Variants in GTF2E2 observed in about 807,000 individuals in gnomAD.
GTF2E2 encodes general transcription factor IIE subunit 2.
A neutral mutation model predicts 40.5 loss-of-function variants in GTF2E2; 21 were observed. That is an observed-to-expected ratio of 0.52 (90% CI 0.37 to 0.75). GTF2E2 has a LOEUF of 0.75. Ranked by LOEUF, GTF2E2 falls within the 30% of genes least tolerant of loss-of-function variation. GTF2E2 has a pLI of 0.00. For synonymous variants in GTF2E2, 117 were observed against 121.6 expected (o/e 0.96, Z 0.25); for missense variants, 298 against 338.4 (o/e 0.88, Z 0.94).
At chr8:30,587,561 G>C (rs187651794) in intron 6 of GTF2E2, among the ~76,000 whole-genome samples, 1 of 150,926 alleles carries the variant, frequency 6.6e-6, no homozygotes, top group African/African-American at 2.4e-5. Context: ...GAAATATTCA[G>C]ACATTTCTCA....
intron 6 of GTF2E2, among the ~76,000 whole-genome samples, chr8:30,599,758 G>A (rs189421785): frequency 1.7e-3 from 257 of 152,282 alleles, no homozygotes; most frequent in African/African-American, 5.9e-3. Flanking sequence ...GCCAAGGTGG[G>A]CAGATCACTA....
chr8:30,624,305 G>A (rs528039510), intron 3 of GTF2E2, among the ~76,000 whole-genome samples: 22 of 152,118 alleles, frequency 1.4e-4, no homozygotes, highest in Admixed American at 6.5e-4. Flanking sequence ...CAGGTTTGTC[G>A]AAGATCAGAT....
chr8:30,587,450 T>C (rs1828713854), intron 6 of GTF2E2, among the ~76,000 whole-genome samples: 1 of 134,226 alleles, frequency 7.5e-6, no homozygotes. Flanking sequence ...TTTCCATATA[T>C]ATGGAACTCA....
At chr8:30,585,177 A>C (rs937596988) in intron 6 of GTF2E2, 4 of 152,420 alleles carry the variant, frequency 2.6e-5, no homozygotes, top group African/African-American at 9.7e-5. Context: ...CAAGAGCGAA[A>C]CTCCGTCTCA....
rs1416154377 is a variant in GTF2E2 at position 30,614,592 on chromosome 8, T to C, written c.366+16A>G. On this transcript the variant is annotated intron_variant, in intron 4 of 7. Transcript: ENST00000355904. ...AGTTACAGGAAATCTCTCTTGATAATCAACTAAATTCTTACCTCAGTCATT... is the reference window on the plus strand; with the variant it reads ...AGTTACAGGAAATCTCTCTTGATAACCAACTAAATTCTTACCTCAGTCATT... The C allele has an allele frequency of 1.3e-5, 17 of 1,281,674 alleles. No individual in the cohort carries two copies. Among genetic ancestry groups the C allele is most frequent in the Non-Finnish European group, 1.9e-5 (17 of 886,642 alleles). The allele number at this position is 1,281,674 out of a possible 1,614,324, so 79.4% of individuals were successfully genotyped here.
At chr8:30,656,978 G>C (rs1474526582) in intron 1 of GTF2E2, 2 of 152,146 alleles carry the variant, frequency 1.3e-5, no homozygotes, top group African/African-American at 4.8e-5. Flanking sequence ...AGATGGAAGA[G>C]CCAGGGCCAG....
intron 6 of GTF2E2, among the ~76,000 whole-genome samples, chr8:30,593,813 T>A (rs987627698): frequency 5.3e-5 from 8 of 152,240 alleles, no homozygotes; most frequent in African/African-American, 1.9e-4. Flanking sequence ...GTAATTTTCC[T>A]GGCTCTGAAA....
intron 6 of GTF2E2, among the ~76,000 whole-genome samples, chr8:30,598,455 TTTTAA>T (rs1829077071): frequency 6.6e-6 from 1 of 152,220 alleles, no homozygotes; most frequent in Admixed American, 6.5e-5. Context: ...ACTTTAAAAT[TTTTAA>T]TTTAACTAGT....
At chr8:30,625,153 A>G (rs1585978695) in intron 3 of GTF2E2, among the ~76,000 whole-genome samples, 1 of 152,028 alleles carries the variant, frequency 6.6e-6, no homozygotes, top group South Asian at 2.1e-4. Context: ...TTTGTCATAA[A>G]TAGCTCTTAT....
chr8:30,627,605 G>T (rs1291480138), intron 3 of GTF2E2, among the ~76,000 whole-genome samples: 1 of 152,130 alleles, frequency 6.6e-6, no homozygotes, highest in Non-Finnish European at 1.5e-5. Flanking sequence ...AACACAGGAG[G>T]ATTGCTTGAG....
At chr8:30,594,554 TAAAAAAAAAAAA>T (rs1191425204) in intron 6 of GTF2E2, among the ~76,000 whole-genome samples, 1 of 132,904 alleles carries the variant, frequency 7.5e-6, no homozygotes, top group East Asian at 2.2e-4. Context: ...AATGGATCTT[TAAAAAAAAAAAA>T]AAAAAAAGTG....
At chr8:30,588,538 G>A (rs1009754719) in intron 6 of GTF2E2, among the ~76,000 whole-genome samples, 1 of 152,200 alleles carries the variant, frequency 6.6e-6, no homozygotes, top group African/African-American at 2.4e-5. Flanking sequence ...CAGAAGCAGA[G>A]AGTAGAATGA....
chr8:30,580,532 G>A (rs1828488135), intron 6 of GTF2E2, 136 bp from the exon 7 acceptor site: 1 of 627,184 alleles, frequency 1.6e-6, no homozygotes, highest in Non-Finnish European at 2.9e-6. Context: ...AACAAGTCAG[G>A]GCAGAACATC....
At chr8:30,597,602 G>T (rs1425352574) in intron 6 of GTF2E2, 1 of 152,178 alleles carries the variant, frequency 6.6e-6, no homozygotes, top group Non-Finnish European at 1.5e-5. Flanking sequence ...TTCCAAGGGG[G>T]TGCCTGTCTC....
At chr8:30,602,617 G>A (rs980880255) in intron 6 of GTF2E2, among the ~76,000 whole-genome samples, 17 of 152,058 alleles carry the variant, frequency 1.1e-4, no homozygotes, top group South Asian at 4.2e-4. Context: ...TTAGCCAGGC[G>A]TGGTGGCATG....
intron 2 of GTF2E2, chr8:30,645,277 A>G: frequency 6.6e-7 from 1 of 1,507,578 alleles, no homozygotes. Context: ...TACCTTTTTT[A>G]TAGATTCAAA....
chr8:30,593,384 T>C (rs776346312), intron 6 of GTF2E2, among the ~76,000 whole-genome samples: 8 of 152,330 alleles, frequency 5.3e-5, no homozygotes, highest in Non-Finnish European at 1.2e-4. Flanking sequence ...TATTTCTCCT[T>C]TTAGTTTCAT....
chr8:30,645,570 C>G (rs1221126526), intron 2 of GTF2E2: 7 of 1,535,406 alleles, frequency 4.6e-6, no homozygotes, highest in African/African-American at 1.4e-5. Flanking sequence ...TGGACAACAT[C>G]AGAAAACGTG....
intron 2 of GTF2E2, chr8:30,645,465 G>T (rs1254833589): frequency 6.5e-7 from 1 of 1,535,494 alleles, no homozygotes; most frequent in Non-Finnish European, 8.7e-7. Context: ...TAGTGGTGCT[G>T]GCTTTCCTTT....
Sources: gnomAD v4.1 joint callset for allele counts (sites outside exome capture counted in the v4.1 genomes callset) on GRCh38, gnomAD v4.1.1 for gene constraint, MANE v1.5 for transcripts, NCBI Gene and HGNC (gene_info 2026-07-23, HGNC 2026-07-21) for gene names.